Variants in NUP188 observed in about 807,000 individuals in gnomAD.
NUP188 encodes nucleoporin 188.
NUP188 carries 97 observed loss-of-function variants against 223.0 expected under a neutral mutation model. The observed-to-expected ratio is 0.43, with a 90% CI of 0.37 to 0.51. NUP188 has a LOEUF of 0.51. NUP188 is among the 20% of genes least tolerant of loss of function. The pLI, the probability that NUP188 is intolerant of heterozygous loss-of-function variation, is 0.00. For synonymous variants in NUP188, 869 were observed against 828.0 expected, an observed-to-expected ratio of 1.05 and a Z score of -0.85; for missense variants, 1,947 against 2,175.6, an observed-to-expected ratio of 0.89 and a Z score of 2.09.
intron 27 of NUP188, among the ~76,000 whole-genome samples, chr9:128,994,155 A>G (rs1246162673): frequency 6.6e-6 from 1 of 152,188 alleles, no homozygotes; most frequent in African/African-American, 2.4e-5. Context: ...AAGAGTTTTT[A>G]TTGATCAACT....
intron 25 of NUP188, among the ~76,000 whole-genome samples, chr9:128,992,717 A>G (rs1842453921): frequency 6.6e-6 from 1 of 152,170 alleles, no homozygotes; most frequent in South Asian, 2.1e-4. Flanking sequence ...CACTATTACA[A>G]GCAGTGCTGC....
intron 19 of NUP188, 107 bp downstream of exon 19, chr9:128,983,657 T>C (rs1842288603): frequency 2.4e-6 from 2 of 843,420 alleles, no homozygotes; most frequent in Non-Finnish European, 3.7e-6. Flanking sequence ...TGTTTGTTTA[T>C]TTTTTTGAGA....
Position 128,970,814 on chromosome 9 carries a change from T to C in NUP188, c.969T>C (p.Leu323=). 1 of 1,614,186 alleles carries C rather than the reference T, an allele frequency of 6.2e-7. No individual in the cohort carries two copies. ...FGDIPHHAPV[L]LAWALLRHTL... ...ACATTCCACATCATGCCCCAGTGCT[T>C]TTGGCCTGGGCTCTCCTCCGTCACA... Residue 323 remains leucine, a synonymous_variant, in exon 11 of 44, where the codon CTT becomes CTC. Transcript: ENST00000372577.
In NUP188 at chr9:129,006,782, C is replaced by T. The variant is rs1842819920; in HGVS notation, c.*104C>T. On this transcript the variant is annotated 3_prime_UTR_variant, in exon 44 of 44. Coordinates refer to ENST00000372577, the MANE Select transcript of NUP188 (RefSeq NM_015354.3). ...AGGGCCTATACAATGGAGGGCACCT[C>T]CTGTCACCCCCCTCCCGGAGTAGCC... is the stretch of plus-strand genomic sequence containing the variant. 4.1e-6 allele frequency: 5 copies of T among 1,210,782 alleles called. No homozygotes were observed. Among genetic ancestry groups the T allele is most frequent in the Non-Finnish European group, 5.7e-6 (5 of 884,168 alleles). The allele number at this position is 1,210,782 out of a possible 1,614,324, so 75.0% of individuals were successfully genotyped here.
At position 128,980,662 on chromosome 9, in the gene NUP188, CCTT is replaced by C; in HGVS notation, c.1329_1331del (p.Leu444del). On this transcript the variant is annotated inframe_deletion, in exon 14 of 44. Transcript: ENST00000372577. The stretch of plus-strand genomic sequence containing the variant: ...ACAGTGTGTGTGGAATGTTTCCCCA[CCTT>C]CTCTCCCCACTCCTGCAACTGCTCC... 6.2e-7 allele frequency: 1 copy of C among 1,614,124 alleles called. No individual in the cohort carries two copies. Among genetic ancestry groups the C allele is most frequent in the Non-Finnish European group, 8.5e-7 (1 of 1,180,002 alleles).
In NUP188 at chr9:128,994,452, G is replaced by A; in HGVS notation, c.3087+10G>A. The A allele has an allele frequency of 1.2e-6, 2 of 1,601,246 alleles. No homozygotes were observed. The highest frequency in any genetic ancestry group is 2.2e-5 in the South Asian group (2 of 90,802). On this transcript the variant is annotated intron_variant, in intron 28 of 43. Transcript: ENST00000372577. ...CTCTGAAACATCAGAGGTAAGCTGT[G>A]GCAGAGGGCAGGATGGTGGCTACAA...
Position 128,993,184 on chromosome 9 carries a change from C to T in NUP188, c.2641-13C>T, listed in dbSNP as rs752917121. The T allele has an allele frequency of 4.3e-6, 7 of 1,610,306 alleles. No individual in the cohort carries two copies. Among genetic ancestry groups the T allele is most frequent in the African/African-American group, 1.3e-5 (1 of 74,800 alleles). On this transcript the variant is annotated splice_polypyrimidine_tract_variant and intron_variant, in intron 25 of 43. Coordinates refer to ENST00000372577, the MANE Select transcript of NUP188 (RefSeq NM_015354.3). ...AGCAGAGCTCTAAGCCTGTGTGTTC[C>T]GGTCTCCACCAGGTGGCCCCAATGT...
intron 12 of NUP188, 69 bp downstream of exon 12, chr9:128,973,318 C>T: frequency 1.0e-6 from 1 of 974,514 alleles, no homozygotes; most frequent in Non-Finnish European, 1.6e-6. Flanking sequence ...AAAATATACC[C>T]CCATTGGATC....
In NUP188 at chr9:128,958,796, C is replaced by T. The variant is rs1297668148; in HGVS notation, c.373-6C>T. On this transcript the variant is annotated splice_region_variant and splice_polypyrimidine_tract_variant and intron_variant, in intron 6 of 43. Transcript: ENST00000372577. ...AGTAACTGATTTTGAATTTTGGGTT[C>T]CTCAGATTGCAGATTATTATTATGA... 1 of 1,546,304 alleles carries T rather than the reference C, an allele frequency of 6.5e-7. No homozygotes were observed. The highest frequency in any genetic ancestry group is 2.3e-5 in the East Asian group (1 of 44,286).
intron 12 of NUP188, 69 bp downstream of exon 12, chr9:128,973,318 C>A: frequency 1.0e-6 from 1 of 974,512 alleles, no homozygotes; most frequent in South Asian, 1.4e-5. Flanking sequence ...AAAATATACC[C>A]CCATTGGATC....
At chr9:128,970,727 G>A (rs1185618194) in intron 10 of NUP188, 31 bp from the exon 11 acceptor site, 5 of 1,584,120 alleles carry the variant, frequency 3.2e-6, no homozygotes, top group Non-Finnish European at 4.3e-6. Context: ...TTTCTGTTCG[G>A]AGATGTAGAT....
rs1016897402 is a variant in NUP188 at position 128,993,212 on chromosome 9, G to T, written c.2656G>T (p.Val886Leu). The T allele has an allele frequency of 6.2e-7, 1 of 1,614,154 alleles. No individual in the cohort carries two copies. The highest frequency in any genetic ancestry group is 8.5e-7 in the Non-Finnish European group (1 of 1,179,978). ...TCTCCACCAGGTGGCCCCAATGTCA[G>T]TGTATGCTTGTCTGGGCAATGATGC... ...KRLATVAPMSVYACLGNDAAA... is the reference protein window; with the variant it reads ...KRLATVAPMSLYACLGNDAAA... Residue 886 changes from valine to leucine, a missense_variant, in exon 26 of 44, where the codon GTG becomes TTG. Around this residue, in one of 3 missense-constraint regions of NUP188, gnomAD observed 225 missense variants for 319.1 expected, o/e 0.71. Transcript: ENST00000372577.
intron 2 of NUP188, among the ~76,000 whole-genome samples, chr9:128,951,645 A>G (rs1007491170): frequency 1.3e-5 from 2 of 152,210 alleles, no homozygotes; most frequent in Non-Finnish European, 2.9e-5. Flanking sequence ...GACTTTCATA[A>G]TAAGGTTAAG....
rs754618744 is a variant in NUP188, at chr9:128,973,207, C to T, written c.1161C>T (p.Phe387=). Residue 387 remains phenylalanine (F), a synonymous_variant, in exon 12 of 44, where the codon TTC becomes TTT. Transcript: ENST00000372577. ...TGTGTGTCTATGGACTGCTCTCTTT[C>T]GTTCTGACCTCGTTGGAGCTGCACA... The part of the protein sequence containing the change: ...ACMCVYGLLS[F]VLTSLELHTL... 5.0e-6 allele frequency: 8 copies of T among 1,613,524 alleles called. No homozygotes were observed. Among genetic ancestry groups the T allele is most frequent in the East Asian group, 4.5e-5 (2 of 44,884 alleles).
chr9:128,957,451 G>C (rs1841886868), intron 5 of NUP188, among the ~76,000 whole-genome samples: 1 of 152,024 alleles, frequency 6.6e-6, no homozygotes, highest in South Asian at 2.1e-4. Context: ...TATTAGAGGT[G>C]ATAAGGATTT....
Position 128,961,958 on chromosome 9 carries a change from C to T in NUP188, c.585+2824C>T, listed in dbSNP as rs541370686. Among the ~76,000 whole-genome samples, 474 of 145,382 alleles carry T rather than the reference C, an allele frequency of 3.3e-3. 2 individuals are homozygous for T. Among genetic ancestry groups the T allele is most frequent in the African/African-American group, 0.011 (427 of 39,298 alleles). On this transcript the variant is annotated intron_variant, in intron 8 of 43. Transcript: ENST00000372577. ...CCATACTCTTTTTTTTTTTTTTGGA[C>T]GGAGTTTTACTCTTGTTGCCCAGGC...
chr9:128,997,999 A>C, intron 30 of NUP188, 152 bp from the exon 31 acceptor site: 3 of 650,306 alleles, frequency 4.6e-6, no homozygotes, highest in South Asian at 1.7e-5. Context: ...GATTACAGGC[A>C]TGAGCCACCA....
At chr9:128,962,664 A>G (rs530856126) in intron 8 of NUP188, among the ~76,000 whole-genome samples, 1 of 152,202 alleles carries the variant, frequency 6.6e-6, no homozygotes, top group African/African-American at 2.4e-5. Flanking sequence ...TGTCTCAAAA[A>G]AAATTCATAT....
chr9:128,972,978 G>T (rs957916381), intron 11 of NUP188, among the ~76,000 whole-genome samples, 182 bp from the exon 12 acceptor site: 5 of 152,064 alleles, frequency 3.3e-5, no homozygotes, highest in Admixed American at 6.6e-5. Flanking sequence ...AATATTTGTG[G>T]TTCCTGCTTT....
Sources: allele counts gnomAD v4.1 joint callset (sites outside exome capture counted in the v4.1 genomes callset), GRCh38; gene constraint gnomAD v4.1.1; regional missense constraint gnomAD v4.1.1; transcripts MANE v1.5; gene names NCBI Gene and HGNC (gene_info 2026-07-23, HGNC 2026-07-21).